The following LBH variants were observed in gnomAD, a reference collection of about 807,000 sequenced individuals.
The protein encoded by LBH is protein LBH.
LBH carries 7 observed loss-of-function variants against 12.5 expected under a neutral mutation model. The ratio of observed to expected loss-of-function variants is 0.56; its 90% CI spans 0.32 to 1.05. The LOEUF (loss-of-function observed/expected upper bound fraction) is 1.05. LBH is among the 50% of genes least tolerant of loss of function. The pLI, the probability that LBH is intolerant of heterozygous loss-of-function variation, is 0.04. For synonymous variants in LBH, 51 were observed against 50.1 expected (o/e 1.02, Z -0.08); for missense variants, 119 against 138.9 (o/e 0.86, Z 0.72).
intron 2 of LBH, among the ~76,000 whole-genome samples, chr2:30,251,126 C>G (rs1677971790): frequency 7.0e-6 from 1 of 143,310 alleles, no homozygotes; most frequent in South Asian, 2.2e-4. Context: ...ACAATCTCTG[C>G]TCATTGCAGC....
chr2:30,231,875 C>A, intron 1 of LBH, 111 bp downstream of exon 1: 1 of 966,988 alleles, frequency 1.0e-6, no homozygotes, highest in South Asian at 3.2e-5. Context: ...CGCGGGCGCT[C>A]AGCGCTAACC....
chr2:30,237,533 G>A (rs1024828449), intron 2 of LBH, among the ~76,000 whole-genome samples: 3 of 152,184 alleles, frequency 2.0e-5, no homozygotes, highest in Non-Finnish European at 4.4e-5. Context: ...CACCCAAGGT[G>A]CCTAAGTGCT....
chr2:30,242,605 C>A (rs932071782), intron 2 of LBH, among the ~76,000 whole-genome samples: 2 of 152,160 alleles, frequency 1.3e-5, no homozygotes, highest in Admixed American at 6.6e-5. Flanking sequence ...AAAAAATCCA[C>A]ACCCATATTT....
In LBH at chr2:30,250,503, G is replaced by A. The variant is rs182222453; in HGVS notation, c.130-6930G>A. ...CAGCTTGGGTTGTTTGTCAGATGATGGCTGAGAGATGCACACTCAGGGGAG... is the reference window on the plus strand; with the variant it reads ...CAGCTTGGGTTGTTTGTCAGATGATAGCTGAGAGATGCACACTCAGGGGAG... On this transcript the variant is annotated intron_variant, in intron 2 of 2. Transcript: ENST00000395323. Among the ~76,000 whole-genome samples, 582 of 151,676 alleles carry A rather than the reference G, an allele frequency of 3.8e-3. 5 individuals carry two copies. Among genetic ancestry groups the A allele is most frequent in the African/African-American group, 0.013 (549 of 41,356 alleles).
chr2:30,252,022 T>C (rs1413257468), intron 2 of LBH, among the ~76,000 whole-genome samples: 1 of 152,204 alleles, frequency 6.6e-6, no homozygotes, highest in African/African-American at 2.4e-5. Context: ...TGTGTAAATG[T>C]CAAGGCTTCA....
At chr2:30,254,116 G>A (rs1028970878) in intron 2 of LBH, among the ~76,000 whole-genome samples, 2 of 152,152 alleles carry the variant, frequency 1.3e-5, no homozygotes, top group African/African-American at 2.4e-5. Context: ...TGGGGGATAC[G>A]TTCCAGGACA....
intron 2 of LBH, among the ~76,000 whole-genome samples, chr2:30,254,015 C>T (rs1175300234): frequency 6.6e-6 from 1 of 152,080 alleles, no homozygotes; most frequent in African/African-American, 2.4e-5. Context: ...CAGCTGCTTC[C>T]CAGGTGCGTG....
intron 2 of LBH, among the ~76,000 whole-genome samples, chr2:30,253,117 C>T (rs1678014956): frequency 6.6e-6 from 1 of 152,204 alleles, no homozygotes; most frequent in African/African-American, 2.4e-5. Context: ...CTGTCATGTG[C>T]TTGGCAAGTC....
chr2:30,251,495 C>A (rs1417531495), intron 2 of LBH, among the ~76,000 whole-genome samples: 3 of 151,518 alleles, frequency 2.0e-5, no homozygotes, highest in Non-Finnish European at 4.4e-5. Flanking sequence ...GAAGAGGTGT[C>A]CCCTGTAAAA....
At position 30,232,456 on chromosome 2, in the gene LBH, A is replaced by T. The variant is rs558301362; in HGVS notation, c.26+692A>T. 529 of 489,150 alleles carry T rather than the reference A, an allele frequency of 1.1e-3. 5 individuals carry two copies. Among genetic ancestry groups the T allele is most frequent in the Non-Finnish European group, 2.8e-4 (78 of 280,412 alleles). 30.3% of individuals were successfully genotyped at this position (489,150 alleles called of 1,614,324 possible). A position where few individuals can be genotyped will look rare whatever the true frequency, so the allele number is the denominator to read the frequency against. On this transcript the variant is annotated intron_variant, in intron 1 of 2. Coordinates refer to ENST00000395323, the MANE Select transcript of LBH (RefSeq NM_030915.4). ...GTCGGAGGTTTGCCCCGGACTGGGG[A>T]TCGGAGCCGGGAGGGATGCAGAGAG...
chr2:30,246,717 C>CTCAACAAGTAG (rs1677875408), intron 2 of LBH, among the ~76,000 whole-genome samples: 1 of 151,738 alleles, frequency 6.6e-6, no homozygotes, highest in Non-Finnish European at 1.5e-5. Context: ...TGGTACTTCA[C>CTCAACAAGTAG]TAGTTTTTTT....
intron 2 of LBH, among the ~76,000 whole-genome samples, chr2:30,247,281 C>G (rs1366440417): frequency 1.3e-5 from 2 of 152,132 alleles, no homozygotes; most frequent in Non-Finnish European, 2.9e-5. Flanking sequence ...TATAGGTTCA[C>G]CAAGTTATGC....
Position 30,257,507 on chromosome 2 carries a change from C to T in LBH, c.204C>T (p.Pro68=), listed in dbSNP as rs749692657. ...GTCTGCCCTCCATAGTGGTGGAACCCACAGAAGGGGAGGTGGAGAGCGGGG... is the reference window on the plus strand; with the variant it reads ...GTCTGCCCTCCATAGTGGTGGAACCTACAGAAGGGGAGGTGGAGAGCGGGG... ...KDRLPSIVVE[P]TEGEVESGEL... is the part of the protein sequence containing the mutation. The change falls in exon 3 of 3, where the codon CCC becomes CCT. Residue 68 remains proline (P), a synonymous_variant. Coordinates refer to ENST00000395323, the MANE Select transcript of LBH (RefSeq NM_030915.4). 1 of 1,614,242 alleles carries T rather than the reference C, an allele frequency of 6.2e-7. No homozygotes were observed. Among genetic ancestry groups the T allele is most frequent in the Admixed American group, 1.7e-5 (1 of 60,032 alleles).
rs1572386296 is a variant in LBH, at chr2:30,258,479, T to A, written c.*858T>A. 1 of 152,268 alleles carries A rather than the reference T, an allele frequency of 6.6e-6. No homozygotes were observed. Among genetic ancestry groups the A allele is most frequent in the African/African-American group, 2.4e-5 (1 of 41,440 alleles). The allele number at this position is 152,268 out of a possible 1,614,324, so 9.4% of individuals were successfully genotyped here. ...TTGTTGGAAGCCCCAGGGTGGACAC[T>A]CAGCACGAAGGTCTCTCCCTTAACT... On this transcript the variant is annotated 3_prime_UTR_variant, in exon 3 of 3. Coordinates refer to ENST00000395323, the MANE Select transcript of LBH (RefSeq NM_030915.4).
At chr2:30,249,697 C>T (rs1008092554) in intron 2 of LBH, among the ~76,000 whole-genome samples, 25 of 152,356 alleles carry the variant, frequency 1.6e-4, no homozygotes, top group Non-Finnish European at 4.4e-5. Context: ...AGGAGTGCTG[C>T]GTATTTGCTC....
chr2:30,240,178 A>G (rs997314079), intron 2 of LBH, among the ~76,000 whole-genome samples: 3 of 152,306 alleles, frequency 2.0e-5, no homozygotes, highest in South Asian at 2.1e-4. Context: ...ATGAGCCTGG[A>G]TGATGGATTG....
At position 30,258,395 on chromosome 2, in the gene LBH, C is replaced by T. The variant is rs1678123711; in HGVS notation, c.*774C>T. Reference sequence around the variant, plus strand: ...AGGCAGTGCTTTTCAGCTTTTCTCCCTGATATATCCATTTTGCTTCCCAGC... The same window carrying T: ...AGGCAGTGCTTTTCAGCTTTTCTCCTTGATATATCCATTTTGCTTCCCAGC... On this transcript the variant is annotated 3_prime_UTR_variant, in exon 3 of 3. Coordinates refer to ENST00000395323, the MANE Select transcript of LBH (RefSeq NM_030915.4). 1 of 152,328 alleles carries T rather than the reference C, an allele frequency of 6.6e-6. No homozygotes were observed. Among genetic ancestry groups the T allele is most frequent in the South Asian group, 2.1e-4 (1 of 4,830 alleles). 9.4% of individuals were successfully genotyped at this position (152,328 alleles called of 1,614,324 possible).
Position 30,257,472 on chromosome 2 carries a change from C to A in LBH, c.169C>A (p.Leu57Met). 6.2e-7 allele frequency: 1 copy of A among 1,614,194 alleles called. No homozygotes were observed. Among genetic ancestry groups the A allele is most frequent in the Admixed American group, 1.7e-5 (1 of 60,034 alleles). Residue 57 changes from leucine to methionine, a missense_variant, in exon 3 of 3, where the codon CTG (leucine) becomes ATG (methionine). By Grantham distance (15) the Leu-to-Met change is conservative. Coordinates refer to ENST00000395323, the MANE Select transcript of LBH (RefSeq NM_030915.4). ...GTCAGATTTTGACCGCTGCTGCAAA[C>A]TGAAGGACCGTCTGCCCTCCATAGT... is the stretch of plus-strand genomic sequence containing the variant. ...DPSDFDRCCK[L>M]KDRLPSIVVE...
intron 1 of LBH, among the ~76,000 whole-genome samples, chr2:30,231,970 G>T (rs1374243927): frequency 6.6e-6 from 1 of 151,354 alleles, no homozygotes; most frequent in African/African-American, 2.4e-5. Flanking sequence ...TCCAGACAAA[G>T]GACGTGAACT....
Sources: gnomAD v4.1 joint callset for allele counts (sites outside exome capture counted in the v4.1 genomes callset) on GRCh38, gnomAD v4.1.1 for gene constraint, MANE v1.5 for transcripts, NCBI Gene and HGNC (gene_info 2026-07-23, HGNC 2026-07-21) for gene names.